The following DIS3L variants were observed in gnomAD, a reference collection of about 807,000 sequenced individuals.
DIS3L encodes DIS3-like exonuclease 1.
A neutral mutation model predicts 120.3 loss-of-function variants in DIS3L; 100 were observed. That is an observed-to-expected ratio of 0.83 (90% CI 0.71 to 0.98). The LOEUF is 0.98. Among genes scored for constraint, DIS3L ranks in the 50% least tolerant of loss-of-function variants. The probability of loss-of-function intolerance (pLI) is 0.00; values close to 1 mark genes in which losing one functional copy is unlikely to be tolerated. For synonymous variants in DIS3L, 426 were observed against 470.6 expected (o/e 0.91, Z 1.23); for missense variants, 1,196 against 1,314.2 (o/e 0.91, Z 1.39).
In DIS3L at chr15:66,314,679, C is replaced by A; in HGVS notation, c.815-357C>A. On this transcript the variant is annotated intron_variant, in intron 6 of 16. Transcript: ENST00000319212. ...GCCCTATCTATAGTTCCTCAGCCCA[C>A]TGACCAATCCCTTGGCTGTGTAGGA... 1.3e-5 allele frequency among the ~76,000 whole-genome samples: 2 copies of A among 152,214 alleles called. 1 individual carries two copies. The highest frequency in any genetic ancestry group is 2.9e-5 in the Non-Finnish European group (2 of 68,046).
chr15:66,302,111 C>G (rs544580397), intron 2 of DIS3L, among the ~76,000 whole-genome samples: 90 of 151,984 alleles, frequency 5.9e-4, no homozygotes, highest in African/African-American at 2.1e-3. Context: ...TGGCTCACGC[C>G]CAGCACGTTG....
rs1454451303 is a variant in DIS3L, at chr15:66,329,065, T to C, written c.2297T>C (p.Met766Thr). 13 of 1,614,128 alleles carry C rather than the reference T, an allele frequency of 8.1e-6. No homozygotes were observed. Among genetic ancestry groups the C allele is most frequent in the African/African-American group, 2.7e-5 (2 of 74,954 alleles). ...CTGCGCTCCATGGCCACGCAGGCCA[T>C]GTCGAATGCTCTGTACTTCTCCACC... ...RLLRSMATQA[M>T]SNALYFSTGS... Residue 766 changes from methionine (M) to threonine (T), a missense_variant, in exon 13 of 17, where the codon ATG becomes ACG. Transcript: ENST00000319212.
Position 66,333,040 on chromosome 15 carries a change from G to A in DIS3L, c.2893G>A (p.Asp965Asn), listed in dbSNP as rs903245964. The change falls in exon 17 of 17, where the codon GAT (aspartate) becomes AAT (asparagine). Residue 965 changes from aspartate (D) to asparagine (N), a missense_variant. Physicochemically the swap from Asp to Asn is conservative, Grantham distance 23. Coordinates refer to ENST00000319212, the MANE Select transcript of DIS3L (RefSeq NM_001143688.3). ...CATACAGGCCTCACGTTGCCATTCT[G>A]ATACAATCAGACTTGAAATAATTAG... ...ISIQASRCHS[D>N]TIRLEIISNK... The A allele has an allele frequency of 3.1e-6, 5 of 1,613,042 alleles. No individual in the cohort carries two copies. The African/African-American group carries it at 5.3e-5, about 17-fold the overall frequency.
intron 7 of DIS3L, among the ~76,000 whole-genome samples, 195 bp downstream of exon 7, chr15:66,315,410 T>TA (rs1200970666): frequency 9.2e-5 from 14 of 152,172 alleles, no homozygotes; most frequent in Non-Finnish European, 1.5e-4. Flanking sequence ...TGTTTTGATA[T>TA]AATGCATTGG....
chr15:66,318,764 G>A, intron 8 of DIS3L, 146 bp downstream of exon 8: 1 of 923,224 alleles, frequency 1.1e-6, no homozygotes, highest in Admixed American at 3.1e-5. Context: ...CCAAGATACT[G>A]GGATGTGTTT....
In DIS3L at chr15:66,333,208, G is replaced by A; in HGVS notation, c.3061G>A (p.Glu1021Lys). The A allele has an allele frequency of 6.2e-7, 1 of 1,614,046 alleles. No individual in the cohort carries two copies. Among genetic ancestry groups the A allele is most frequent in the Non-Finnish European group, 8.5e-7 (1 of 1,180,018 alleles). ...AGTCAAAGTAAACATCATTCAGGAG[G>A]AATATCAAGAATATCGCCAAACAAA... ...QEVKVNIIQE[E>K]YQEYRQTKGR... Residue 1021 changes from glutamate to lysine, a missense_variant, in exon 17 of 17, where the codon GAA becomes AAA. Coordinates refer to ENST00000319212, the MANE Select transcript of DIS3L (RefSeq NM_001143688.3).
chr15:66,314,364 G>C (rs1478448821), intron 6 of DIS3L, among the ~76,000 whole-genome samples: 9 of 152,186 alleles, frequency 5.9e-5, no homozygotes, highest in Admixed American at 2.6e-4. Flanking sequence ...CACACACCTG[G>C]TAAGTGGTGG....
chr15:66,314,050 T>C lies in DIS3L; in HGVS notation c.747T>C (p.Asn249=). The change falls in exon 6 of 17, where the codon AAT becomes AAC. Residue 249 remains asparagine, a synonymous_variant. Coordinates refer to ENST00000319212, the MANE Select transcript of DIS3L (RefSeq NM_001143688.3). ...AATTATGATTTTAGGGAATTCTGAATGTCAACAAACACAGAGCCCAAATAG... is the reference window on the plus strand; with the variant it reads ...AATTATGATTTTAGGGAATTCTGAACGTCAACAAACACAGAGCCCAAATAG... ...KSGRYIQGIL[N]VNKHRAQIEA... 1 of 1,548,144 alleles carries C rather than the reference T, an allele frequency of 6.5e-7. No homozygotes were observed. The highest frequency in any genetic ancestry group is 8.7e-7 in the Non-Finnish European group (1 of 1,150,066).
intron 5 of DIS3L, among the ~76,000 whole-genome samples, chr15:66,313,170 A>G (rs1263213494): frequency 6.6e-6 from 1 of 151,690 alleles, no homozygotes; most frequent in Non-Finnish European, 1.5e-5. Flanking sequence ...TAATTTTTGT[A>G]TTTTTAGTAG....
chr15:66,323,042 G>A, intron 10 of DIS3L, 108 bp downstream of exon 10: 2 of 1,401,490 alleles, frequency 1.4e-6, no homozygotes, highest in South Asian at 2.9e-5. Flanking sequence ...AATTTTGAAG[G>A]TCCCTTCCAG....
chr15:66,296,325 A>G (rs1398060037), intron 2 of DIS3L, among the ~76,000 whole-genome samples: 1 of 152,168 alleles, frequency 6.6e-6, no homozygotes, highest in Non-Finnish European at 1.5e-5. Flanking sequence ...TGAACATTTC[A>G]AGAGTAGTTA....
chr15:66,326,602 T>TA (rs1390540412), intron 12 of DIS3L: 10 of 457,990 alleles, frequency 2.2e-5, no homozygotes, highest in African/African-American at 5.9e-5. Flanking sequence ...TTTTTTTAGA[T>TA]AGAGTCTTGC....
chr15:66,295,209 C>A, intron 2 of DIS3L, 68 bp downstream of exon 2: 1 of 1,456,522 alleles, frequency 6.9e-7, no homozygotes, highest in South Asian at 1.3e-5. Context: ...GGTCCCTTGT[C>A]GGAGGGGGAT....
At chr15:66,295,274 CTT>C (rs1466943687) in intron 2 of DIS3L, 133 bp downstream of exon 2, 11 of 820,878 alleles carry the variant, frequency 1.3e-5, no homozygotes, top group South Asian at 5.7e-5. Context: ...TTCGTATTCT[CTT>C]TGATAGTGAG....
intron 7 of DIS3L, 33 bp from the exon 8 acceptor site, chr15:66,318,416 G>A: frequency 6.2e-7 from 1 of 1,607,796 alleles, no homozygotes; most frequent in South Asian, 1.1e-5. Context: ...CACCTAACCA[G>A]TTAATGCCTT....
intron 8 of DIS3L, 88 bp from the exon 9 acceptor site, chr15:66,320,483 A>G: frequency 6.9e-7 from 1 of 1,439,438 alleles, no homozygotes; most frequent in Non-Finnish European, 9.3e-7. Context: ...GGAACCCAGT[A>G]TTGTTTGCCT....
intron 5 of DIS3L, 103 bp from the exon 6 acceptor site, chr15:66,313,936 A>G (rs2092791566): frequency 2.4e-6 from 2 of 827,554 alleles, no homozygotes; most frequent in South Asian, 3.6e-5. Context: ...TTAAAAGAAT[A>G]TTATGGGGAT....
rs908941828 is a variant in DIS3L, at chr15:66,318,635, C to T, written c.1164+17C>T. 1.9e-6 allele frequency: 3 copies of T among 1,612,690 alleles called. No homozygotes were observed. Among genetic ancestry groups the T allele is most frequent in the Admixed American group, 3.3e-5 (2 of 59,866 alleles). ...ACCCTCCAGGTAGTTGGCATTCTAC[C>T]TCTACTATGGGATCTCTACGCTTTC... On this transcript the variant is annotated intron_variant, in intron 8 of 16. Coordinates refer to ENST00000319212, the MANE Select transcript of DIS3L (RefSeq NM_001143688.3).
chr15:66,317,343 GGGAAAAAAA>G (rs1400218927), intron 7 of DIS3L, among the ~76,000 whole-genome samples: 7 of 102,500 alleles, frequency 6.8e-5, no homozygotes, highest in Admixed American at 2.9e-4. Context: ...AAATATTTGT[GGGAAAAAAA>G]AAAAAAAAAA....
Sources: gnomAD v4.1 joint callset for allele counts (sites outside exome capture counted in the v4.1 genomes callset) on GRCh38, gnomAD v4.1.1 for gene constraint, MANE v1.5 for transcripts, NCBI Gene and HGNC (gene_info 2026-07-23, HGNC 2026-07-21) for gene names.